The following ZNF197 variants were observed in gnomAD, a reference collection of about 807,000 sequenced individuals.
ZNF197 encodes zinc finger protein 197.
A neutral mutation model predicts 27.4 loss-of-function variants in ZNF197; 14 were observed. The ratio of observed to expected loss-of-function variants is 0.51; its 90% confidence interval spans 0.34 to 0.80. The LOEUF (loss-of-function observed/expected upper bound fraction) is 0.80, where lower values mean the gene tolerates loss of function less well. Among genes scored for constraint, ZNF197 ranks in the 30% least tolerant of loss-of-function variants. The pLI, the probability that ZNF197 is intolerant of heterozygous loss-of-function variation, is 0.02. For missense variants in ZNF197, 1,090 were observed against 1,222.6 expected (o/e 0.89, Z 1.62); for synonymous variants, 415 against 420.0 (o/e 0.99, Z 0.15).
At position 44,646,638 on chromosome 3, in the gene ZNF197, C is replaced by T; in HGVS notation, c.*2418C>T. On this transcript the variant is annotated 3_prime_UTR_variant, in exon 6 of 6. Coordinates refer to ENST00000344387, the MANE Select transcript of ZNF197 (RefSeq NM_006991.5). ...AAAAGAGAGGGGAGTGAAAATTGTT[C>T]AAGCTGTCTTGAGTCTGCTGTGAGT... 1.4e-6 allele frequency: 1 copy of T among 717,814 alleles called. No individual in the cohort carries two copies. The highest frequency in any genetic ancestry group is 2.5e-6 in the Non-Finnish European group (1 of 399,216). The allele number at this position is 717,814 out of a possible 1,614,324, so 44.5% of individuals were successfully genotyped here.
rs761570218 is a variant in ZNF197 at position 44,625,073 on chromosome 3, C to T, written c.-152C>T. 6.6e-6 allele frequency: 1 copy of T among 152,254 alleles called. No individual in the cohort carries two copies. Among genetic ancestry groups the T allele is most frequent in the Non-Finnish European group, 1.5e-5 (1 of 68,058 alleles). 9.4% of individuals were successfully genotyped at this position (152,254 alleles called of 1,614,324 possible). ...CCTCGGCTGCCGGAAGGGCTCGTTC[C>T]TGTGTCATCTCCTAGCGGCCTGGCG... On this transcript the variant is annotated 5_prime_UTR_variant, in exon 1 of 6. Transcript: ENST00000344387.
intron 5 of ZNF197, among the ~76,000 whole-genome samples, chr3:44,634,729 C>G (rs1365913962): frequency 6.6e-6 from 1 of 152,184 alleles, no homozygotes; most frequent in Admixed American, 6.5e-5. Flanking sequence ...GGATTATAGG[C>G]GTGAGCCACC....
In ZNF197 at chr3:44,643,999, C is replaced by A; in HGVS notation, c.2869C>A (p.Pro957Thr). ...CCAGAGAATTCACACAGGGGAGAAA[C>A]CCTATGGGTGTAATGATTGTAGTAA... ...GHQRIHTGEK[P>T]YGCNDCSKVF... The change falls in exon 6 of 6, where the codon CCC (proline) becomes ACC (threonine). Residue 957 changes from proline (P) to threonine (T), a missense_variant. By Grantham distance (38) the Pro-to-Thr change is conservative (BLOSUM62 -1). Transcript: ENST00000344387. 6.2e-7 allele frequency: 1 copy of A among 1,614,110 alleles called. No individual in the cohort carries two copies. Among genetic ancestry groups the A allele is most frequent in the Non-Finnish European group, 8.5e-7 (1 of 1,180,004 alleles).
chr3:44,632,723 T>G (rs1702082061), intron 5 of ZNF197, 124 bp downstream of exon 5: 1 of 1,149,836 alleles, frequency 8.7e-7, no homozygotes, highest in African/African-American at 1.6e-5. Flanking sequence ...AAAAAAACCT[T>G]CCTTAACATC....
Position 44,646,959 on chromosome 3 carries a change from A to C in ZNF197, c.*2739A>C, listed in dbSNP as rs973519875. 6.5e-6 allele frequency: 1 copy of C among 154,296 alleles called. No individual in the cohort carries two copies. The highest frequency in any genetic ancestry group is 1.4e-5 in the Non-Finnish European group (1 of 69,602). The allele number at this position is 154,296 out of a possible 1,614,324, so 9.6% of individuals were successfully genotyped here. The stretch of plus-strand genomic sequence containing the variant: ...AAGAAGGCTCAGATGACTCAAAAGC[A>C]TGCTCCTTAGAAGGAAAAAAAATGT... On this transcript the variant is annotated 3_prime_UTR_variant, in exon 6 of 6. Coordinates refer to ENST00000344387, the MANE Select transcript of ZNF197 (RefSeq NM_006991.5).
Position 44,641,896 on chromosome 3 carries a change from C to T in ZNF197, c.770-4C>T. The T allele has an allele frequency of 1.3e-6, 2 of 1,573,158 alleles. No individual in the cohort carries two copies. The highest frequency in any genetic ancestry group is 1.2e-5 in the South Asian group (1 of 84,528). On this transcript the variant is annotated splice_region_variant and splice_polypyrimidine_tract_variant and intron_variant, in intron 5 of 5. Transcript: ENST00000344387. ...ACATTTGCATTTTTAATTCCTTTTACCAGAATGGGAGACCATGACCGAGAA... is the reference window on the plus strand; with the variant it reads ...ACATTTGCATTTTTAATTCCTTTTATCAGAATGGGAGACCATGACCGAGAA...
At chr3:44,641,164 T>C (rs1702580263) in intron 5 of ZNF197, among the ~76,000 whole-genome samples, 1 of 152,240 alleles carries the variant, frequency 6.6e-6, no homozygotes, top group Non-Finnish European at 1.5e-5. Context: ...ATAGGAACCT[T>C]GGATATTAGT....
chr3:44,633,319 T>A (rs1251145839), intron 5 of ZNF197, among the ~76,000 whole-genome samples: 3 of 152,228 alleles, frequency 2.0e-5, no homozygotes, highest in Non-Finnish European at 4.4e-5. Context: ...ATACCTATCA[T>A]GGTACAGCTG....
At position 44,632,165 on chromosome 3, in the gene ZNF197, T is replaced by C; in HGVS notation, c.611T>C (p.Met204Thr). 1 of 1,614,186 alleles carries C rather than the reference T, an allele frequency of 6.2e-7. No individual in the cohort carries two copies. The highest frequency in any genetic ancestry group is 8.5e-7 in the Non-Finnish European group (1 of 1,180,028). ...GAAGAGAACCCAAGAAATCAATTAA[T>C]GGCACTTATGCTCCTAACAGCCCAG... Reference protein sequence around the residue: ...SQEENPRNQLMALMLLTAQPQ... With the variant: ...SQEENPRNQLTALMLLTAQPQ... Residue 204 changes from methionine (M) to threonine (T), a missense_variant, in exon 4 of 6, where the codon ATG (methionine) becomes ACG (threonine). By Grantham distance (81) the Met-to-Thr change is moderately conservative. Transcript: ENST00000344387.
chr3:44,639,783 G>A (rs1377211604), intron 5 of ZNF197, among the ~76,000 whole-genome samples: 1 of 152,058 alleles, frequency 6.6e-6, no homozygotes, highest in African/African-American at 2.4e-5. Flanking sequence ...CACGGACAGT[G>A]ATAGGCAAGA....
At chr3:44,631,013 C>T (rs879227767) in intron 2 of ZNF197, 49 bp from the exon 3 acceptor site, 1 of 1,612,590 alleles carries the variant, frequency 6.2e-7, no homozygotes, top group Non-Finnish European at 8.5e-7. Context: ...TTAGGTGAGT[C>T]CATTTTCTTA....
rs1239078549 is a variant in ZNF197 at position 44,642,374 on chromosome 3, T to C, written c.1244T>C (p.Met415Thr). ...TTTATTCAGCGTTCGAGCCTTCTAA[T>C]GCATTTACGGAACCATTCAGGGGAG... is the stretch of plus-strand genomic sequence containing the variant. ...KGFIQRSSLL[M>T]HLRNHSGEKP... The change falls in exon 6 of 6, where the codon ATG becomes ACG. Residue 415 changes from methionine to threonine, a missense_variant. Coordinates refer to ENST00000344387, the MANE Select transcript of ZNF197 (RefSeq NM_006991.5). 1 of 1,614,124 alleles carries C rather than the reference T, an allele frequency of 6.2e-7. No homozygotes were observed. The highest frequency in any genetic ancestry group is 1.7e-5 in the Admixed American group (1 of 60,024).
intron 5 of ZNF197, among the ~76,000 whole-genome samples, chr3:44,637,609 T>C (rs1426085084): frequency 1.3e-5 from 2 of 152,170 alleles, no homozygotes; most frequent in Non-Finnish European, 2.9e-5. Flanking sequence ...TACATTTCGG[T>C]CTTTTATCCA....
At chr3:44,627,052 C>T (rs1701709336) in intron 1 of ZNF197, among the ~76,000 whole-genome samples, 1 of 151,910 alleles carries the variant, frequency 6.6e-6, no homozygotes, top group Non-Finnish European at 1.5e-5. Flanking sequence ...GGAAAATGTA[C>T]CACGTCATTC....
intron 5 of ZNF197, among the ~76,000 whole-genome samples, chr3:44,635,350 ATACAT>A (rs1702227057): frequency 2.0e-5 from 3 of 152,202 alleles, no homozygotes; most frequent in African/African-American, 7.2e-5. Flanking sequence ...CTGATTTGAG[ATACAT>A]TAAAGAAATG....
At chr3:44,628,688 T>C (rs3906955) in intron 1 of ZNF197, among the ~76,000 whole-genome samples, 41,396 of 152,024 alleles carry the variant, frequency 0.27, 6,132 homozygotes, top group Non-Finnish European at 0.32. Flanking sequence ...CCCCATAAGG[T>C]AGGAACTGTT....
chr3:44,638,638 C>T (rs1381909955), intron 5 of ZNF197, among the ~76,000 whole-genome samples: 1 of 152,116 alleles, frequency 6.6e-6, no homozygotes, highest in Non-Finnish European at 1.5e-5. Context: ...GAGCAGACAG[C>T]CTTTTCTTGT....
At chr3:44,627,370 C>A (rs911702959) in intron 1 of ZNF197, among the ~76,000 whole-genome samples, 2 of 152,202 alleles carry the variant, frequency 1.3e-5, no homozygotes, top group African/African-American at 4.8e-5. Context: ...GTTCACCTCT[C>A]TGCTCTACTC....
Position 44,641,864 on chromosome 3 carries a change from C to T in ZNF197, c.770-36C>T, listed in dbSNP as rs114545362. 2.3e-4 allele frequency: 351 copies of T among 1,522,676 alleles called. No individual in the cohort carries two copies. The African/African-American group carries it at 4.7e-3, about 20-fold the overall frequency. The allele number at this position is 1,522,676 out of a possible 1,614,324, so 94.3% of individuals were successfully genotyped here. A position where few individuals can be genotyped will look rare whatever the true frequency, so the allele number is the denominator to read the frequency against. ...GATCCTGTTCTTCCAAACACAGGGA[C>T]GTGGTAACATTTGCATTTTTAATTC... On this transcript the variant is annotated intron_variant, in intron 5 of 5. Coordinates refer to ENST00000344387, the MANE Select transcript of ZNF197 (RefSeq NM_006991.5).
Sources: allele counts gnomAD v4.1 joint callset (sites outside exome capture counted in the v4.1 genomes callset), GRCh38; gene constraint gnomAD v4.1.1; transcripts MANE v1.5; gene names NCBI Gene and HGNC (gene_info 2026-07-23, HGNC 2026-07-21).